The following SCN8A variants were observed in gnomAD, a reference collection of about 807,000 sequenced individuals.
SCN8A encodes the protein sodium voltage-gated channel alpha subunit 8.
In SCN8A, 30 loss-of-function variants were observed where a neutral mutation model predicts 184.1. That is an observed-to-expected ratio of 0.16 (90% CI 0.12 to 0.22). The LOEUF is 0.22. Ranked by LOEUF, SCN8A falls within the 10% of genes least tolerant of loss-of-function variation. The probability of loss-of-function intolerance (pLI) is 1.00; values close to 1 mark genes in which losing one functional copy is unlikely to be tolerated. For missense variants in SCN8A, 1,057 were observed against 2,498.9 expected (o/e 0.42, Z 12.30); for synonymous variants, 852 against 907.0 (o/e 0.94, Z 1.09).
At chr12:51,785,055 G>A (rs1398151734) in intron 21 of SCN8A, among the ~76,000 whole-genome samples, 1 of 152,170 alleles carries the variant, frequency 6.6e-6, no homozygotes, top group Non-Finnish European at 1.5e-5. Flanking sequence ...CTCCCGTATT[G>A]TTTGAGAAAT....
chr12:51,714,561 G>A (rs1026889920), intron 11 of SCN8A, among the ~76,000 whole-genome samples: 1 of 152,122 alleles, frequency 6.6e-6, no homozygotes, highest in African/African-American at 2.4e-5. Flanking sequence ...TTGACCTCAT[G>A]AGCCTTCCTT....
At chr12:51,734,015 G>C (rs534799548) in intron 12 of SCN8A, among the ~76,000 whole-genome samples, 8 of 152,046 alleles carry the variant, frequency 5.3e-5, no homozygotes, top group African/African-American at 1.9e-4. Context: ...CTTTCCAAAA[G>C]ATAAACAACC....
chr12:51,712,941 A>G, intron 11 of SCN8A: 2 of 1,593,728 alleles, frequency 1.3e-6, no homozygotes, highest in Non-Finnish European at 1.7e-6. Context: ...AACCCATAAA[A>G]TTGCCAGATC....
At chr12:51,706,778 A>G (rs961256501) in intron 11 of SCN8A, 63 bp downstream of exon 11, 61 of 1,171,818 alleles carry the variant, frequency 5.2e-5, no homozygotes, top group Non-Finnish European at 6.8e-5. Context: ...TAAAATGTGT[A>G]TATGTATATT....
chr12:51,720,133 G>A (rs921049918), intron 11 of SCN8A, among the ~76,000 whole-genome samples: 27 of 148,234 alleles, frequency 1.8e-4, no homozygotes, highest in African/African-American at 5.4e-4. Context: ...CAAACTTTAC[G>A]GTAAACAAGA....
intron 6 of SCN8A, among the ~76,000 whole-genome samples, chr12:51,697,935 AC>A (rs915606332): frequency 6.6e-6 from 1 of 152,050 alleles, no homozygotes; most frequent in African/African-American, 2.4e-5. Context: ...TGGAACCTCC[AC>A]CCCCGCACCG....
At chr12:51,676,142 A>C (rs977017684) in intron 2 of SCN8A, among the ~76,000 whole-genome samples, 2 of 152,118 alleles carry the variant, frequency 1.3e-5, no homozygotes, top group Non-Finnish European at 2.9e-5. Flanking sequence ...CTAGGGAAGA[A>C]TTTTGCTGGT....
intron 26 of SCN8A, 27 bp downstream of exon 26, chr12:51,794,668 G>T: frequency 6.2e-7 from 1 of 1,605,368 alleles, no homozygotes; most frequent in South Asian, 1.1e-5. Context: ...AAGTAGGCGA[G>T]GGGAAAGGGG....
chr12:51,596,404 C>T (rs1306117275), intron 1 of SCN8A, among the ~76,000 whole-genome samples: 1 of 152,194 alleles, frequency 6.6e-6, no homozygotes, highest in Non-Finnish European at 1.5e-5. Flanking sequence ...GTTGTCCAAG[C>T]TAAGGACTAT....
chr12:51,615,551 T>C (rs1242509429), intron 1 of SCN8A, among the ~76,000 whole-genome samples: 1 of 151,942 alleles, frequency 6.6e-6, no homozygotes, highest in African/African-American at 2.4e-5. Context: ...AAACCCTGTC[T>C]GAAACAAAAA....
intron 2 of SCN8A, among the ~76,000 whole-genome samples, chr12:51,670,423 C>T (rs1446996294): frequency 6.6e-6 from 1 of 152,106 alleles, no homozygotes; most frequent in Non-Finnish European, 1.5e-5. Context: ...GCAGTATAGA[C>T]CATTTCTGTA....
intron 14 of SCN8A, among the ~76,000 whole-genome samples, chr12:51,752,003 G>A (rs1197287103): frequency 1.3e-5 from 2 of 152,068 alleles, no homozygotes; most frequent in Non-Finnish European, 2.9e-5. Flanking sequence ...AGCTCTTATA[G>A]TACACTACAT....
chr12:51,737,961 G>A (rs1275928243), intron 12 of SCN8A, among the ~76,000 whole-genome samples: 1 of 152,128 alleles, frequency 6.6e-6, no homozygotes, highest in Admixed American at 6.5e-5. Flanking sequence ...TGTTCAGCAA[G>A]CAATTTCTCT....
intron 1 of SCN8A, among the ~76,000 whole-genome samples, chr12:51,639,776 C>A (rs1940402459): frequency 6.7e-6 from 1 of 150,342 alleles, no homozygotes; most frequent in Admixed American, 6.7e-5. Flanking sequence ...AACATTAAGG[C>A]TAGACCCTCC....
chr12:51,646,292 T>C (rs1277968447), intron 1 of SCN8A, among the ~76,000 whole-genome samples: 2 of 152,216 alleles, frequency 1.3e-5, no homozygotes, highest in Non-Finnish European at 1.5e-5. Context: ...AGTTAGATGG[T>C]AAATATTTCA....
At chr12:51,641,106 A>T (rs1592348062) in intron 1 of SCN8A, among the ~76,000 whole-genome samples, 2 of 152,342 alleles carry the variant, frequency 1.3e-5, no homozygotes, top group Middle Eastern at 6.8e-3. Context: ...TTGAGAGAAA[A>T]AACAGTAAAC....
intron 10 of SCN8A, 131 bp downstream of exon 10, chr12:51,705,754 C>T: frequency 1.3e-6 from 1 of 795,310 alleles, no homozygotes; most frequent in Non-Finnish European, 1.9e-6. Flanking sequence ...ATGAAAATAA[C>T]CCAAGTAACA....
intron 2 of SCN8A, among the ~76,000 whole-genome samples, chr12:51,681,631 T>C (rs1164392286): frequency 6.6e-6 from 1 of 152,174 alleles, no homozygotes; most frequent in Non-Finnish European, 1.5e-5. Flanking sequence ...ATTAGGCTTT[T>C]TCTGCAGCAT....
At chr12:51,737,426 T>C (rs929899593) in intron 12 of SCN8A, among the ~76,000 whole-genome samples, 1 of 152,214 alleles carries the variant, frequency 6.6e-6, no homozygotes, top group African/African-American at 2.4e-5. Flanking sequence ...CTCTGCCTCC[T>C]TTGTTAATTG....
Sources: gnomAD v4.1 joint callset for allele counts (sites outside exome capture counted in the v4.1 genomes callset) on GRCh38, gnomAD v4.1.1 for gene constraint, MANE v1.5 for transcripts, NCBI Gene and HGNC (gene_info 2026-07-23, HGNC 2026-07-21) for gene names.